The following GLRA1 variants were observed in gnomAD, a reference collection of about 807,000 sequenced individuals.
GLRA1 encodes the protein glycine receptor subunit alpha-1.
In GLRA1, 37 loss-of-function variants were observed where a neutral mutation model predicts 48.3. The observed-to-expected ratio is 0.77, with a 90% CI of 0.59 to 1.01. The LOEUF is 1.01. Ranked by LOEUF, GLRA1 falls within the 50% of genes least tolerant of loss-of-function variation. The pLI, the probability that GLRA1 is intolerant of heterozygous loss-of-function variation, is 0.00. For synonymous variants in GLRA1, 196 were observed against 210.7 expected, an observed-to-expected ratio of 0.93 and a Z score of 0.60; for missense variants, 427 against 571.0, an observed-to-expected ratio of 0.75 and a Z score of 2.57.
At chr5:151,906,306 G>A (rs915350192) in intron 1 of GLRA1, among the ~76,000 whole-genome samples, 8 of 152,216 alleles carry the variant, frequency 5.3e-5, no homozygotes, top group Admixed American at 2.0e-4. Flanking sequence ...TCTTATGCCA[G>A]CCTAAGTTTA....
At chr5:151,836,649 G>A (rs571281990) in intron 7 of GLRA1, among the ~76,000 whole-genome samples, 8 of 151,998 alleles carry the variant, frequency 5.3e-5, no homozygotes, top group African/African-American at 9.7e-5. Flanking sequence ...CAGAAATAAC[G>A]CCACATAACT....
At chr5:151,836,047 A>G (rs1035033529) in intron 7 of GLRA1, among the ~76,000 whole-genome samples, 17 of 152,234 alleles carry the variant, frequency 1.1e-4, no homozygotes, top group Non-Finnish European at 1.6e-4. Flanking sequence ...ACATGATTGT[A>G]TATTTAGAAA....
chr5:151,894,883 G>A (rs746201490), intron 1 of GLRA1, among the ~76,000 whole-genome samples: 7 of 152,168 alleles, frequency 4.6e-5, no homozygotes, highest in East Asian at 3.8e-4. Context: ...TTGAAGATTC[G>A]GAGGGTATTC....
At chr5:151,879,337 T>TTTC (rs1753703935) in intron 3 of GLRA1, among the ~76,000 whole-genome samples, 1 of 151,800 alleles carries the variant, frequency 6.6e-6, no homozygotes, top group African/African-American at 2.4e-5. Context: ...TCCTTTTTTT[T>TTTC]TTCAGATTTT....
chr5:151,832,030 A>G (rs1763440059), intron 7 of GLRA1, among the ~76,000 whole-genome samples: 1 of 152,206 alleles, frequency 6.6e-6, no homozygotes, highest in African/African-American at 2.4e-5. Flanking sequence ...ACCTCCAGCA[A>G]ACTCCAGCAG....
chr5:151,898,187 C>T (rs1754270330), intron 1 of GLRA1, among the ~76,000 whole-genome samples: 1 of 151,828 alleles, frequency 6.6e-6, no homozygotes, highest in Admixed American at 6.6e-5. Context: ...CCTCAGCCAT[C>T]ATTTTATGAG....
chr5:151,837,587 TAAAG>T (rs761301468), intron 7 of GLRA1, among the ~76,000 whole-genome samples: 2 of 152,050 alleles, frequency 1.3e-5, no homozygotes, highest in Non-Finnish European at 2.9e-5. Context: ...GATAGACTGA[TAAAG>T]AAAATGTGTC....
chr5:151,856,880 G>A (rs754580200), intron 4 of GLRA1, among the ~76,000 whole-genome samples: 4 of 152,176 alleles, frequency 2.6e-5, no homozygotes. Context: ...CATACAAACT[G>A]TTAACACAAA....
intron 1 of GLRA1, among the ~76,000 whole-genome samples, chr5:151,903,514 A>G (rs888298768): frequency 6.6e-6 from 1 of 152,162 alleles, no homozygotes; most frequent in African/African-American, 2.4e-5. Context: ...AGTGGGGTGG[A>G]ACTTCTTTGT....
At chr5:151,893,929 T>C (rs1007867534) in intron 1 of GLRA1, among the ~76,000 whole-genome samples, 3 of 152,212 alleles carry the variant, frequency 2.0e-5, no homozygotes, top group African/African-American at 7.2e-5. Context: ...TTTGAGGAAT[T>C]GCCACACCAA....
chr5:151,823,370 T>C (rs866010894), intron 8 of GLRA1, among the ~76,000 whole-genome samples: 1 of 152,248 alleles, frequency 6.6e-6, no homozygotes, highest in African/African-American at 2.4e-5. Context: ...GAGGTTATAA[T>C]TGAGAACATA....
intron 7 of GLRA1, among the ~76,000 whole-genome samples, chr5:151,851,128 C>G (rs1359707728): frequency 6.6e-6 from 1 of 152,100 alleles, no homozygotes; most frequent in Non-Finnish European, 1.5e-5. Flanking sequence ...GTAAATGAAG[C>G]AGAATGTGTG....
chr5:151,850,177 G>A (rs2113341083), intron 7 of GLRA1: 2 of 1,603,328 alleles, frequency 1.2e-6, no homozygotes, highest in East Asian at 2.2e-5. Context: ...GTGGGAGCAG[G>A]CAAAGCCCAT....
intron 7 of GLRA1, among the ~76,000 whole-genome samples, chr5:151,840,266 T>A (rs1316686422): frequency 6.6e-6 from 1 of 152,108 alleles, no homozygotes. Flanking sequence ...GCTAATTTTT[T>A]AAAAGTATTT....
intron 7 of GLRA1, among the ~76,000 whole-genome samples, chr5:151,831,461 G>T (rs187878900): frequency 2.0e-4 from 30 of 152,276 alleles, no homozygotes; most frequent in African/African-American, 7.2e-4. Flanking sequence ...GAGCTTGGTG[G>T]GGGGAGGAGT....
chr5:151,891,563 G>A (rs1754069737), intron 2 of GLRA1, among the ~76,000 whole-genome samples: 1 of 152,118 alleles, frequency 6.6e-6, no homozygotes, highest in South Asian at 2.1e-4. Flanking sequence ...CTAAGAAGAG[G>A]CTGCCCCTGT....
chr5:151,837,768 C>T (rs1763613543), intron 7 of GLRA1, among the ~76,000 whole-genome samples: 1 of 152,134 alleles, frequency 6.6e-6, no homozygotes, highest in Non-Finnish European at 1.5e-5. Context: ...AATGAGAATA[C>T]ATGGACACAG....
chr5:151,851,679 G>A (rs1752917931), intron 6 of GLRA1, 75 bp from the exon 7 acceptor site: 10 of 960,162 alleles, frequency 1.0e-5, no homozygotes, highest in Admixed American at 1.8e-5. Flanking sequence ...GAACAACCTC[G>A]GCTAGAGTCC....
chr5:151,908,466 T>C (rs1754529184), intron 1 of GLRA1, among the ~76,000 whole-genome samples: 7 of 152,092 alleles, frequency 4.6e-5, no homozygotes, highest in Admixed American at 4.6e-4. Context: ...CCTAGGATGA[T>C]GAAGTTGAGG....
Sources: allele counts gnomAD v4.1 joint callset (sites outside exome capture counted in the v4.1 genomes callset), GRCh38; gene constraint gnomAD v4.1.1; transcripts MANE v1.5; gene names NCBI Gene and HGNC (gene_info 2026-07-23, HGNC 2026-07-21).